TCERG1L: variants seen among roughly 807,000 people sequenced by gnomAD.
TCERG1L encodes the protein transcription elongation regulator 1-like protein.
In TCERG1L, 37 loss-of-function variants were observed where a neutral mutation model predicts 56.3. The observed-to-expected ratio is 0.66, with a 90% CI of 0.51 to 0.87. The LOEUF (loss-of-function observed/expected upper bound fraction) is 0.87. Among genes scored for constraint, TCERG1L ranks in the 40% least tolerant of loss-of-function variants. The pLI, the probability that TCERG1L is intolerant of heterozygous loss-of-function variation, is 0.00. For synonymous variants in TCERG1L, 324 were observed against 326.3 expected (o/e 0.99, Z 0.08); for missense variants, 799 against 774.2 (o/e 1.03, Z -0.38).
intron 3 of TCERG1L, among the ~76,000 whole-genome samples, chr10:131,300,240 C>T (rs34180343): frequency 0.082 from 12,446 of 152,120 alleles, 648 homozygotes; most frequent in South Asian, 0.24. Context: ...ATTTATTAGT[C>T]TTATGGTTTG....
chr10:131,249,375 C>T (rs1846080350), intron 4 of TCERG1L, among the ~76,000 whole-genome samples: 1 of 152,036 alleles, frequency 6.6e-6, no homozygotes, highest in South Asian at 2.1e-4. Flanking sequence ...CCACCCGGGT[C>T]CCCAGTATAG....
intron 3 of TCERG1L, among the ~76,000 whole-genome samples, chr10:131,286,431 G>A (rs574445261): frequency 7.2e-5 from 11 of 152,188 alleles, no homozygotes; most frequent in South Asian, 2.1e-4. Flanking sequence ...TTACAATACC[G>A]TATTGTGTAA....
chr10:131,172,567 T>TG (rs1449649439), intron 4 of TCERG1L, among the ~76,000 whole-genome samples: 4 of 152,264 alleles, frequency 2.6e-5, no homozygotes, highest in African/African-American at 9.6e-5. Context: ...AAAGGGTTCA[T>TG]GAGGAGCATC....
chr10:131,291,396 C>CCTT (rs1167056441), intron 3 of TCERG1L, among the ~76,000 whole-genome samples: 3 of 67,698 alleles, frequency 4.4e-5, no homozygotes, highest in Non-Finnish European at 5.5e-5. Context: ...CCATAAACAG[C>CCTT]ATTTCTTTTT....
intron 4 of TCERG1L, among the ~76,000 whole-genome samples, chr10:131,200,612 T>C (rs952325368): frequency 4.6e-5 from 7 of 152,174 alleles, no homozygotes; most frequent in African/African-American, 1.7e-4. Flanking sequence ...GGAGGGAAAT[T>C]TTCCTCGGAA....
Position 131,163,181 on chromosome 10 carries a change from C to T in TCERG1L, c.975G>A (p.Glu325=), listed in dbSNP as rs550346101. The change falls in exon 6 of 12, where the codon GAG becomes GAA. Residue 325 remains glutamate, a synonymous_variant. Transcript: ENST00000368642. ...KEPPPMLGGG[E]DSTARGNRPV... Reference sequence around the variant, plus strand: ...GCCTGTTGCCTCTGGCTGTGCTGTCCTCTCCTCCCCCCAGCATCGGTGGAG... The same window carrying T: ...GCCTGTTGCCTCTGGCTGTGCTGTCTTCTCCTCCCCCCAGCATCGGTGGAG... 13 of 1,566,706 alleles carry T rather than the reference C, an allele frequency of 8.3e-6. No homozygotes were observed. In the African/African-American group the frequency reaches 9.4e-5, roughly 11 times the overall value.
At chr10:131,173,235 T>A (rs1846111313) in intron 4 of TCERG1L, among the ~76,000 whole-genome samples, 1 of 152,108 alleles carries the variant, frequency 6.6e-6, no homozygotes, top group Admixed American at 6.5e-5. Flanking sequence ...GGAAGCACCC[T>A]TCTGAAATAA....
chr10:131,240,825 T>C (rs957031931), intron 4 of TCERG1L, among the ~76,000 whole-genome samples: 5 of 152,166 alleles, frequency 3.3e-5, no homozygotes, highest in Non-Finnish European at 7.3e-5. Context: ...CACGGGCTTC[T>C]AGATGGTGAG....
chr10:131,199,691 G>T (rs1393886865), intron 4 of TCERG1L, among the ~76,000 whole-genome samples: 2 of 152,164 alleles, frequency 1.3e-5, no homozygotes, highest in African/African-American at 2.4e-5. Flanking sequence ...GCTCTGTGGG[G>T]TCTCAACTGA....
intron 8 of TCERG1L, among the ~76,000 whole-genome samples, chr10:131,125,618 A>G (rs10829907): frequency 0.67 from 101,736 of 152,150 alleles, 34,544 homozygotes; most frequent in East Asian, 0.88. Flanking sequence ...TCTGGCAGCT[A>G]TAAGGAAGAT....
intron 4 of TCERG1L, among the ~76,000 whole-genome samples, chr10:131,170,592 G>A (rs1035132631): frequency 6.6e-6 from 1 of 152,110 alleles, no homozygotes; most frequent in African/African-American, 2.4e-5. Context: ...TGAGAAGGTC[G>A]CATGAAGTCT....
chr10:131,150,669 C>CTAAGAGAA (rs1845853834), intron 6 of TCERG1L, among the ~76,000 whole-genome samples: 1 of 152,178 alleles, frequency 6.6e-6, no homozygotes, highest in Non-Finnish European at 1.5e-5. Flanking sequence ...CTGTTCTGCC[C>CTAAGAGAA]ACTGCAGAGT....
intron 4 of TCERG1L, among the ~76,000 whole-genome samples, chr10:131,231,185 G>A (rs1161005848): frequency 6.6e-6 from 1 of 152,188 alleles, no homozygotes; most frequent in Non-Finnish European, 1.5e-5. Context: ...ACTGCCCGAG[G>A]GCTGCCACTC....
intron 3 of TCERG1L, among the ~76,000 whole-genome samples, chr10:131,285,898 T>C (rs1356286614): frequency 6.6e-6 from 1 of 152,170 alleles, no homozygotes; most frequent in Non-Finnish European, 1.5e-5. Flanking sequence ...CTAAGCCCAG[T>C]GGCGGGTGGT....
chr10:131,138,863 GA>G (rs1363138867), intron 7 of TCERG1L, among the ~76,000 whole-genome samples: 1 of 151,776 alleles, frequency 6.6e-6, no homozygotes, highest in Non-Finnish European at 1.5e-5. Flanking sequence ...ACCACAGTGA[GA>G]AAAAAAATCA....
rs540034334 is a variant in TCERG1L at position 131,307,512 on chromosome 10, T to C, written c.670+699A>G. 1.2e-4 allele frequency among the ~76,000 whole-genome samples: 19 copies of C among 152,320 alleles called. No homozygotes were observed. The South Asian group carries it at 3.5e-3, about 28-fold the overall frequency. On this transcript the variant is annotated intron_variant, in intron 3 of 11. Coordinates refer to ENST00000368642, the MANE Select transcript of TCERG1L (RefSeq NM_174937.4). ...ATAAAATATTCCATAATGGAAGGTG[T>C]TGCACGACAATTTTGGCACGGGCAG...
chr10:131,189,754 T>C (rs12249515), intron 4 of TCERG1L, among the ~76,000 whole-genome samples: 23,744 of 152,170 alleles, frequency 0.16, 1,999 homozygotes, highest in East Asian at 0.22. Flanking sequence ...GAAATCTCCA[T>C]GCTGATTTTC....
intron 4 of TCERG1L, among the ~76,000 whole-genome samples, chr10:131,179,523 C>T (rs1845146666): frequency 6.6e-6 from 1 of 152,124 alleles, no homozygotes; most frequent in Non-Finnish European, 1.5e-5. Context: ...TCGGGCACCA[C>T]CTTTTCCAAC....
At chr10:131,238,210 G>A (rs988331874) in intron 4 of TCERG1L, among the ~76,000 whole-genome samples, 7 of 152,254 alleles carry the variant, frequency 4.6e-5, no homozygotes, top group East Asian at 3.9e-4. Flanking sequence ...CTCAGGAAAC[G>A]GCCCCCACGT....
Sources: allele counts gnomAD v4.1 joint callset (sites outside exome capture counted in the v4.1 genomes callset), GRCh38; gene constraint gnomAD v4.1.1; transcripts MANE v1.5; gene names NCBI Gene and HGNC (gene_info 2026-07-23, HGNC 2026-07-21).